ZMAT4: variants seen among roughly 807,000 people sequenced by gnomAD.
The protein encoded by ZMAT4 is zinc finger matrin-type protein 4.
Under a neutral mutation model 28.7 loss-of-function variants are expected in ZMAT4, and 17 were observed. The observed-to-expected ratio is 0.59, with a 90% CI of 0.41 to 0.89. The LOEUF (loss-of-function observed/expected upper bound fraction) is 0.89, where lower values mean the gene tolerates loss of function less well. Among genes scored for constraint, ZMAT4 ranks in the 40% least tolerant of loss-of-function variants. ZMAT4 has a pLI of 0.00. For synonymous variants in ZMAT4, 117 were observed against 109.2 expected (o/e 1.07, Z -0.44); for missense variants, 240 against 283.8 (o/e 0.85, Z 1.11).
At chr8:40,552,913 A>G (rs1050896736) in intron 6 of ZMAT4, among the ~76,000 whole-genome samples, 5 of 152,204 alleles carry the variant, frequency 3.3e-5, no homozygotes, top group Non-Finnish European at 5.9e-5. Context: ...AAAAAAATGT[A>G]GTAGCCACTT....
At chr8:40,628,198 G>A (rs1253965458) in intron 5 of ZMAT4, among the ~76,000 whole-genome samples, 2 of 152,278 alleles carry the variant, frequency 1.3e-5, no homozygotes, top group Admixed American at 6.5e-5. Context: ...GGAGACCCAA[G>A]GGTACAAAGA....
intron 5 of ZMAT4, among the ~76,000 whole-genome samples, chr8:40,585,564 G>A (rs1442520023): frequency 2.6e-5 from 4 of 151,998 alleles, no homozygotes; most frequent in Non-Finnish European, 5.9e-5. Flanking sequence ...ACTTAAATTT[G>A]TCAGAACAAT....
chr8:40,767,545 C>G (rs1813213618), intron 3 of ZMAT4, 96 bp downstream of exon 3: 2 of 981,830 alleles, frequency 2.0e-6, no homozygotes, highest in Non-Finnish European at 3.0e-6. Context: ...CTCAGCTTTT[C>G]TATGAATCTG....
At chr8:40,697,441 C>T in intron 3 of ZMAT4, 40 bp from the exon 4 acceptor site, 1 of 1,454,576 alleles carries the variant, frequency 6.9e-7, no homozygotes, top group Non-Finnish European at 9.1e-7. Context: ...GAGAGAAACC[C>T]ATTCCATTCT....
chr8:40,868,602 G>T (rs763132442), intron 1 of ZMAT4, among the ~76,000 whole-genome samples: 10 of 152,302 alleles, frequency 6.6e-5, no homozygotes, highest in Non-Finnish European at 1.3e-4. Flanking sequence ...GAAAGAAAAT[G>T]AGTGGGTTGG....
At position 40,679,119 on chromosome 8, in the gene ZMAT4, C is replaced by T. The variant is rs542559073; in HGVS notation, c.350-4188G>A. Among the ~76,000 whole-genome samples the T allele has an allele frequency of 2.6e-5, 4 of 152,286 alleles. No homozygotes were observed. In the South Asian group the frequency reaches 8.3e-4, roughly 32 times the overall value. On this transcript the variant is annotated intron_variant, in intron 4 of 6. Transcript: ENST00000297737. ...AATTGAAGCAAGTCAGTTTTCAACA[C>T]TTGATTTCTAAGAATCACCTCATCA...
chr8:40,686,222 A>G (rs1408464225), intron 4 of ZMAT4, among the ~76,000 whole-genome samples: 1 of 152,140 alleles, frequency 6.6e-6, no homozygotes, highest in Non-Finnish European at 1.5e-5. Context: ...GTACTTAAAA[A>G]AAAAATCACA....
chr8:40,714,379 C>G (rs1426678072), intron 3 of ZMAT4, among the ~76,000 whole-genome samples: 1 of 152,082 alleles, frequency 6.6e-6, no homozygotes, highest in Non-Finnish European at 1.5e-5. Flanking sequence ...GTTGTGTATT[C>G]ATTATTAAAT....
intron 6 of ZMAT4, among the ~76,000 whole-genome samples, chr8:40,553,278 T>A (rs1803422582): frequency 6.6e-6 from 1 of 152,200 alleles, no homozygotes; most frequent in Admixed American, 6.5e-5. Context: ...TCTGACATCA[T>A]TCCTGATTCA....
intron 3 of ZMAT4, among the ~76,000 whole-genome samples, chr8:40,747,369 A>T (rs967789415): frequency 1.3e-5 from 2 of 152,182 alleles, no homozygotes; most frequent in African/African-American, 4.8e-5. Flanking sequence ...AAATGCACAC[A>T]GGAGTATAGA....
At chr8:40,697,440 C>A (rs756529973) in intron 3 of ZMAT4, 39 bp from the exon 4 acceptor site, 3 of 1,454,228 alleles carry the variant, frequency 2.1e-6, no homozygotes, top group Non-Finnish European at 2.7e-6. Flanking sequence ...TGAGAGAAAC[C>A]CATTCCATTC....
intron 5 of ZMAT4, among the ~76,000 whole-genome samples, chr8:40,668,208 A>G (rs953903754): frequency 6.6e-6 from 1 of 152,156 alleles, no homozygotes; most frequent in Non-Finnish European, 1.5e-5. Flanking sequence ...GCAGTGGCTC[A>G]TGTCTGCAAT....
intron 5 of ZMAT4, among the ~76,000 whole-genome samples, chr8:40,670,170 TAC>T (rs1413222125): frequency 6.6e-6 from 1 of 152,168 alleles, no homozygotes; most frequent in Non-Finnish European, 1.5e-5. Flanking sequence ...GAAAAATCAT[TAC>T]AGTGTGGTGC....
intron 5 of ZMAT4, among the ~76,000 whole-genome samples, chr8:40,639,195 G>GT (rs1563379366): frequency 0.011 from 1,643 of 152,246 alleles, 38 homozygotes; most frequent in African/African-American, 0.037. Flanking sequence ...CAGCTTTGCT[G>GT]GTTTTTTTTA....
Position 40,753,809 on chromosome 8 carries a change from C to T in ZMAT4, c.192+13832G>A, listed in dbSNP as rs1350325624. Among the ~76,000 whole-genome samples the T allele has an allele frequency of 2.0e-5, 3 of 152,150 alleles. No individual in the cohort carries two copies. In the South Asian group the frequency reaches 6.2e-4, roughly 31 times the overall value. ...ACTTAAGCTCCTTCCACATGTTTTTCACCAGAGGTGACAAAGATTCTTACT... is the reference window on the plus strand; with the variant it reads ...ACTTAAGCTCCTTCCACATGTTTTTTACCAGAGGTGACAAAGATTCTTACT... On this transcript the variant is annotated intron_variant, in intron 3 of 6. Coordinates refer to ENST00000297737, the MANE Select transcript of ZMAT4 (RefSeq NM_024645.3).
At chr8:40,773,276 G>A (rs1212331234) in intron 2 of ZMAT4, among the ~76,000 whole-genome samples, 3 of 152,184 alleles carry the variant, frequency 2.0e-5, no homozygotes, top group Admixed American at 6.5e-5. Flanking sequence ...CATAGGGAAG[G>A]AAGAAGTCAA....
chr8:40,822,750 G>A (rs1006844573), intron 2 of ZMAT4, among the ~76,000 whole-genome samples: 7 of 152,158 alleles, frequency 4.6e-5, no homozygotes, highest in African/African-American at 1.7e-4. Context: ...TGTAGGAAGG[G>A]CCTTACCTCT....
At chr8:40,848,739 T>C (rs573196773) in intron 1 of ZMAT4, among the ~76,000 whole-genome samples, 2 of 152,292 alleles carry the variant, frequency 1.3e-5, no homozygotes, top group African/African-American at 4.8e-5. Flanking sequence ...AAATAAATGG[T>C]CGCTACTATT....
chr8:40,662,144 T>C (rs959596973), intron 5 of ZMAT4, among the ~76,000 whole-genome samples: 1 of 352 alleles, frequency 2.8e-3, no homozygotes, highest in Non-Finnish European at 0.013. Context: ...GCTTGGCTAA[T>C]TTTTTTTTTT....
Sources: gnomAD v4.1 joint callset for allele counts (sites outside exome capture counted in the v4.1 genomes callset) on GRCh38, gnomAD v4.1.1 for gene constraint, MANE v1.5 for transcripts, NCBI Gene and HGNC (gene_info 2026-07-23, HGNC 2026-07-21) for gene names.